Variants in TENM2 observed in about 807,000 individuals in gnomAD.
TENM2 encodes teneurin-2.
A neutral mutation model predicts 245.2 loss-of-function variants in TENM2; 52 were observed. The ratio of observed to expected loss-of-function variants is 0.21; its 90% confidence interval spans 0.17 to 0.27. The LOEUF (loss-of-function observed/expected upper bound fraction) is 0.27, where lower values mean the gene tolerates loss of function less well. Ranked by LOEUF, TENM2 falls within the 10% of genes least tolerant of loss-of-function variation. The pLI is 1.00. For synonymous variants in TENM2, 1,363 were observed against 1,438.9 expected, an observed-to-expected ratio of 0.95 and a Z score of 1.19; for missense variants, 3,046 against 3,666.8, an observed-to-expected ratio of 0.83 and a Z score of 4.37.
the TENM2 span, among the ~76,000 whole-genome samples, chr5:167,153,257 G>A: frequency 1.3e-4 from 19 of 151,748 alleles, no homozygotes; most frequent in Non-Finnish European, 2.2e-4. Flanking sequence ...AAACCTTACC[G>A]AGAACGTAAG....
intron 2 of TENM2, among the ~76,000 whole-genome samples, chr5:167,403,175 A>C (rs1194370919): frequency 6.6e-6 from 1 of 151,818 alleles, no homozygotes; most frequent in Non-Finnish European, 1.5e-5. Flanking sequence ...ATTTTTTTTA[A>C]GCAAAACAAA....
At chr5:167,523,062 C>A (rs1187415009) in intron 2 of TENM2, among the ~76,000 whole-genome samples, 1 of 152,142 alleles carries the variant, frequency 6.6e-6, no homozygotes. Context: ...CTCCATTTTC[C>A]TCTGTGTGTC....
At chr5:167,274,130 A>G in the TENM2 span, among the ~76,000 whole-genome samples, 1 of 152,276 alleles carries the variant, frequency 6.6e-6, no homozygotes, top group Middle Eastern at 3.4e-3. Flanking sequence ...CATGTTGCCC[A>G]TTTATAGCTA....
chr5:167,186,841 C>T, the TENM2 span, among the ~76,000 whole-genome samples: 1 of 152,224 alleles, frequency 6.6e-6, no homozygotes, highest in Non-Finnish European at 1.5e-5. Flanking sequence ...ACCACAAAGA[C>T]AGGCCAATCT....
At chr5:167,854,259 A>G (rs1239565869) in intron 2 of TENM2, among the ~76,000 whole-genome samples, 1 of 152,234 alleles carries the variant, frequency 6.6e-6, no homozygotes, top group Non-Finnish European at 1.5e-5. Context: ...CTTGCAAGAA[A>G]ATCAGGTCAA....
chr5:167,887,939 G>A (rs1774427187), intron 3 of TENM2, among the ~76,000 whole-genome samples: 2 of 152,096 alleles, frequency 1.3e-5, no homozygotes, highest in African/African-American at 4.8e-5. Context: ...TTTGGTTGTG[G>A]CAGCATAACT....
chr5:166,985,472 G>A, the TENM2 span, among the ~76,000 whole-genome samples: 1 of 152,102 alleles, frequency 6.6e-6, no homozygotes, highest in East Asian at 1.9e-4. Context: ...TTAATCCTAT[G>A]AATAATAACA....
intron 2 of TENM2, among the ~76,000 whole-genome samples, chr5:167,693,482 C>T (rs1757561668): frequency 1.3e-5 from 2 of 152,094 alleles, no homozygotes; most frequent in Non-Finnish European, 2.9e-5. Context: ...TCAATTTTAG[C>T]TTGATTCGGG....
chr5:167,739,777 C>CTGAT (rs1359086142), intron 2 of TENM2, among the ~76,000 whole-genome samples: 1 of 152,196 alleles, frequency 6.6e-6, no homozygotes, highest in Non-Finnish European at 1.5e-5. Context: ...CACTATTCCA[C>CTGAT]TGATGTTTCC....
rs915686957 is a variant in TENM2, at chr5:168,090,494, T to C, written c.1516-80T>C. On this transcript the variant is annotated intron_variant, in intron 7 of 28. Transcript: ENST00000518659. ...AAAAAGGTCTTTCTCCATTAACAAA[T>C]GGGTTCGGGGGGAAGGTACCAGGTA... The C allele has an allele frequency of 1.2e-5, 15 of 1,300,308 alleles. No homozygotes were observed. In the Admixed American group the frequency reaches 2.9e-4, roughly 25 times the overall value. 80.5% of individuals were successfully genotyped at this position (1,300,308 alleles called of 1,614,324 possible). A position where few individuals can be genotyped will look rare whatever the true frequency, so the allele number is the denominator to read the frequency against.
intron 2 of TENM2, among the ~76,000 whole-genome samples, chr5:167,752,830 C>T (rs1762049581): frequency 6.6e-6 from 1 of 152,158 alleles, no homozygotes; most frequent in Non-Finnish European, 1.5e-5. Context: ...TCCAGGAGAG[C>T]TGTGAACTGA....
At position 167,964,518 on chromosome 5, in the gene TENM2, C is replaced by G. The variant is rs567103728; in HGVS notation, c.947+11696C>G. On this transcript the variant is annotated intron_variant, in intron 4 of 28. Transcript: ENST00000518659. ...CTATGAGAACCTACCATGTGTCAGG[C>G]ACTGAGGATCCGGCAAAGGAGAAAA... Among the ~76,000 whole-genome samples, 137 of 152,308 alleles carry G rather than the reference C, an allele frequency of 9.0e-4. 1 individual carries two copies. The highest frequency in any genetic ancestry group is 3.0e-3 in the African/African-American group (123 of 41,570).
intron 2 of TENM2, among the ~76,000 whole-genome samples, chr5:167,609,488 C>CAAAAAAAAAAAAAAAAAAAAAAAAAAAA (rs5873049): frequency 2.7e-5 from 1 of 36,692 alleles, no homozygotes; most frequent in African/African-American, 9.8e-5. Context: ...CCTGATGATG[C>CAAAAAAAAAAAAAAAAAAAAAAAAAAAA]AAAAAAAAAA....
At chr5:167,036,322 A>G in the TENM2 span, among the ~76,000 whole-genome samples, 1 of 152,142 alleles carries the variant, frequency 6.6e-6, no homozygotes, top group East Asian at 1.9e-4. Context: ...TTGGAAAGAG[A>G]TGAAGCTCAA....
chr5:166,992,741 G>A, the TENM2 span, among the ~76,000 whole-genome samples: 1 of 152,128 alleles, frequency 6.6e-6, no homozygotes, highest in Admixed American at 6.5e-5. Context: ...GTTAGTGTTT[G>A]AAAAAAGTGG....
At chr5:167,067,430 G>T in the TENM2 span, among the ~76,000 whole-genome samples, 1 of 152,150 alleles carries the variant, frequency 6.6e-6, no homozygotes, top group African/African-American at 2.4e-5. Flanking sequence ...CGTATTCTGA[G>T]CAAAGCCATG....
At chr5:167,146,269 G>T in the TENM2 span, among the ~76,000 whole-genome samples, 1 of 152,128 alleles carries the variant, frequency 6.6e-6, no homozygotes, top group Non-Finnish European at 1.5e-5. Context: ...AGGCGTTCTG[G>T]TTGGTCAGAA....
rs543405803 is a variant in TENM2 at position 167,799,222 on chromosome 5, T to G, written c.503-76764T>G. 1.4e-3 allele frequency among the ~76,000 whole-genome samples: 212 copies of G among 152,332 alleles called. 2 individuals carry two copies. Among genetic ancestry groups the G allele is most frequent in the Non-Finnish European group, 5.1e-4 (35 of 68,026 alleles). ...ATGGCAGAGCCTTCCTCTGGGTATG[T>G]AAATGCAGGGGAGGGGGTGTACTTG... On this transcript the variant is annotated intron_variant, in intron 2 of 28. Transcript: ENST00000518659.
At chr5:167,742,536 C>T (rs1341787091) in intron 2 of TENM2, among the ~76,000 whole-genome samples, 3 of 151,982 alleles carry the variant, frequency 2.0e-5, no homozygotes, top group Non-Finnish European at 2.9e-5. Context: ...AACCAATCAA[C>T]GTTCTCAAAC....
Sources: gnomAD v4.1 joint callset for allele counts (sites outside exome capture counted in the v4.1 genomes callset) on GRCh38, gnomAD v4.1.1 for gene constraint, MANE v1.5 for transcripts, NCBI Gene and HGNC (gene_info 2026-07-23, HGNC 2026-07-21) for gene names.